The following LRRTM4 variants were observed in gnomAD, a reference collection of about 807,000 sequenced individuals.
The protein encoded by LRRTM4 is leucine-rich repeat transmembrane neuronal protein 4.
LRRTM4 carries 25 observed loss-of-function variants against 47.6 expected under a neutral mutation model. That is an observed-to-expected ratio of 0.53 (90% CI 0.38 to 0.73). The LOEUF (loss-of-function observed/expected upper bound fraction) is 0.73. LRRTM4 is among the 30% of genes least tolerant of loss of function. The pLI is 0.00. For missense variants in LRRTM4, 638 were observed against 713.4 expected (o/e 0.89, Z 1.20); for synonymous variants, 311 against 269.5 (o/e 1.15, Z -1.51).
At chr2:76,900,921 C>T (rs552864054) in intron 3 of LRRTM4, among the ~76,000 whole-genome samples, 38 of 152,122 alleles carry the variant, frequency 2.5e-4, no homozygotes, top group Non-Finnish European at 5.1e-4. Context: ...TTTTGAAAGA[C>T]CTAAAAATAC....
In LRRTM4 at chr2:76,748,669, T is replaced by C; in HGVS notation, c.*26A>G. On this transcript the variant is annotated 3_prime_UTR_variant, in exon 4 of 4. Transcript: ENST00000409884. ...AGGCCCTCCCTCCCCCCCATGGAGC[T>C]CCCCAGTGAGGAGTTGGCTTCAGCG... 7.3e-7 allele frequency: 1 copy of C among 1,362,942 alleles called. No homozygotes were observed. The highest frequency in any genetic ancestry group is 1.0e-6 in the Non-Finnish European group (1 of 961,444). 84.4% of individuals were successfully genotyped at this position (1,362,942 alleles called of 1,614,324 possible).
At chr2:77,033,735 T>A (rs1678740747) in intron 3 of LRRTM4, among the ~76,000 whole-genome samples, 1 of 151,858 alleles carries the variant, frequency 6.6e-6, no homozygotes, top group Non-Finnish European at 1.5e-5. Context: ...ATTTCTAATA[T>A]CAATAGGGCT....
intron 3 of LRRTM4, among the ~76,000 whole-genome samples, chr2:76,861,154 C>G (rs563838084): frequency 1.3e-5 from 2 of 152,128 alleles, no homozygotes; most frequent in South Asian, 2.1e-4. Flanking sequence ...TAAATTCAGA[C>G]GAGCTACATT....
chr2:77,308,167 A>G (rs1435565712), intron 3 of LRRTM4, among the ~76,000 whole-genome samples: 1 of 148,450 alleles, frequency 6.7e-6, no homozygotes, highest in Non-Finnish European at 1.5e-5. Flanking sequence ...TTGCTTCTGC[A>G]TAGGTAAAGG....
At chr2:76,967,959 C>G (rs1236660214) in intron 3 of LRRTM4, among the ~76,000 whole-genome samples, 1 of 151,310 alleles carries the variant, frequency 6.6e-6, no homozygotes, top group Non-Finnish European at 1.5e-5. Context: ...CAATGCATTA[C>G]AGTTGGTTGG....
At chr2:77,039,676 G>C (rs1479980579) in intron 3 of LRRTM4, among the ~76,000 whole-genome samples, 1 of 151,008 alleles carries the variant, frequency 6.6e-6, no homozygotes, top group African/African-American at 2.4e-5. Context: ...ACCATCTTGT[G>C]TTTATTTGTA....
chr2:77,196,034 A>G (rs910364551), intron 3 of LRRTM4, among the ~76,000 whole-genome samples: 1 of 152,206 alleles, frequency 6.6e-6, no homozygotes, highest in Non-Finnish European at 1.5e-5. Flanking sequence ...CAATGATCCA[A>G]TTAAAACCCA....
intron 3 of LRRTM4, among the ~76,000 whole-genome samples, chr2:76,891,368 C>A (rs1240128499): frequency 6.6e-6 from 1 of 151,638 alleles, no homozygotes; most frequent in African/African-American, 2.4e-5. Context: ...AAATAAAGGA[C>A]TAGTCAACAT....
intron 3 of LRRTM4, among the ~76,000 whole-genome samples, chr2:76,858,987 G>C (rs1288055561): frequency 2.0e-5 from 3 of 152,150 alleles, no homozygotes; most frequent in African/African-American, 7.2e-5. Context: ...GCCATTTGCA[G>C]CTTTTCTCAG....
chr2:76,987,693 T>G (rs1421539161), intron 3 of LRRTM4, among the ~76,000 whole-genome samples: 3 of 151,866 alleles, frequency 2.0e-5, no homozygotes, highest in Non-Finnish European at 2.9e-5. Context: ...TTAGTTTGCC[T>G]AGGGCTTTGC....
At chr2:76,774,774 A>G (rs1558643735) in intron 3 of LRRTM4, among the ~76,000 whole-genome samples, 2 of 152,178 alleles carry the variant, frequency 1.3e-5, no homozygotes, top group Admixed American at 6.5e-5. Context: ...TAATTTCTCT[A>G]AAAACATTTC....
chr2:77,014,503 C>CATATATATATATATATATATATATATAT lies in LRRTM4; in HGVS notation c.1552-265588_1552-265587insATATATATATATATATATATATATATAT, dbSNP rs71381251. ...TGCAGAAGAAGCATTTGTGCCCTTT[C>CATATATATATATATATATATATATATAT]ATATATATATATATAAAGATTTTAT... is the stretch of plus-strand genomic sequence containing the variant. On this transcript the variant is annotated intron_variant, in intron 3 of 3. Coordinates refer to ENST00000409884, the MANE Select transcript of LRRTM4 (RefSeq NM_001134745.3). 1.6e-3 allele frequency among the ~76,000 whole-genome samples: 221 copies of CATATATATATATATATATATATATATAT among 139,066 alleles called. 4 individuals carry two copies. Among genetic ancestry groups the CATATATATATATATATATATATATATAT allele is most frequent in the East Asian group, 9.1e-3 (42 of 4,618 alleles). The allele number at this position is 139,066 out of a possible 152,430, so 91.2% of individuals were successfully genotyped here.
At chr2:77,057,611 G>T (rs1679651956) in intron 3 of LRRTM4, among the ~76,000 whole-genome samples, 1 of 152,138 alleles carries the variant, frequency 6.6e-6, no homozygotes, top group African/African-American at 2.4e-5. Flanking sequence ...CTAGTCCAGT[G>T]ATTTAAAATC....
intron 3 of LRRTM4, among the ~76,000 whole-genome samples, chr2:77,039,172 G>C (rs1017947467): frequency 6.6e-6 from 1 of 151,254 alleles, no homozygotes; most frequent in African/African-American, 2.4e-5. Flanking sequence ...TAACAGATCT[G>C]TCATCTTATA....
At chr2:76,986,654 C>A (rs1676809159) in intron 3 of LRRTM4, among the ~76,000 whole-genome samples, 1 of 151,786 alleles carries the variant, frequency 6.6e-6, no homozygotes, top group Non-Finnish European at 1.5e-5. Flanking sequence ...GCTATCCTGG[C>A]ACATAGAATA....
At chr2:76,749,013 G>T in intron 3 of LRRTM4, 97 bp from the exon 4 acceptor site, 4 of 895,718 alleles carry the variant, frequency 4.5e-6, no homozygotes, top group Non-Finnish European at 7.0e-6. Context: ...CTTTCATGCT[G>T]TTTCAAGTCA....
chr2:77,376,273 A>G (rs1672837435), intron 3 of LRRTM4, among the ~76,000 whole-genome samples: 1 of 151,792 alleles, frequency 6.6e-6, no homozygotes, highest in African/African-American at 2.4e-5. Flanking sequence ...CGTCATACCA[A>G]GAGTTCCAGT....
At chr2:76,984,402 C>A (rs1348834) in intron 3 of LRRTM4, among the ~76,000 whole-genome samples, 83 of 152,016 alleles carry the variant, frequency 5.5e-4, no homozygotes, top group African/African-American at 1.9e-3. Context: ...AGAGAATGAA[C>A]AACAAAAACA....
At chr2:77,214,229 G>C (rs567172380) in intron 3 of LRRTM4, among the ~76,000 whole-genome samples, 1 of 152,062 alleles carries the variant, frequency 6.6e-6, no homozygotes, top group Non-Finnish European at 1.5e-5. Flanking sequence ...ATGAATGCAC[G>C]GGACAAAGTT....
Sources: gnomAD v4.1 joint callset for allele counts (sites outside exome capture counted in the v4.1 genomes callset) on GRCh38, gnomAD v4.1.1 for gene constraint, MANE v1.5 for transcripts, NCBI Gene and HGNC (gene_info 2026-07-23, HGNC 2026-07-21) for gene names.